Variants in INS observed in about 807,000 individuals in gnomAD.
INS encodes insulin.
A neutral mutation model predicts 10.5 loss-of-function variants in INS; 6 were observed. The observed-to-expected ratio is 0.57, with a 90% CI of 0.31 to 1.13. The LOEUF (loss-of-function observed/expected upper bound fraction) is 1.13. Among genes scored for constraint, INS ranks in the 50% most tolerant of loss-of-function variants. The probability of loss-of-function intolerance (pLI) is 0.05; values close to 1 mark genes in which losing one functional copy is unlikely to be tolerated. For synonymous variants in INS, 71 were observed against 62.7 expected, an observed-to-expected ratio of 1.13 and a Z score of -0.63; for missense variants, 109 against 138.6, an observed-to-expected ratio of 0.79 and a Z score of 1.07.
intron 1 of INS, 89 bp from the exon 2 acceptor site, chr11:2,161,077 A>C: frequency 6.9e-7 from 1 of 1,458,140 alleles, no homozygotes; most frequent in Non-Finnish European, 9.2e-7. Context: ...TCACGAGCCC[A>C]GCCACGTCCT....
intron 2 of INS, among the ~76,000 whole-genome samples, 168 bp downstream of exon 2, chr11:2,160,617 G>A (rs1477429640): frequency 1.3e-5 from 2 of 152,196 alleles, no homozygotes; most frequent in African/African-American, 2.4e-5. Flanking sequence ...GGGCCACAGG[G>A]AGCTGGTCAC....
intron 2 of INS, 78 bp downstream of exon 2, chr11:2,160,707 C>T: frequency 6.3e-7 from 1 of 1,575,666 alleles, no homozygotes; most frequent in East Asian, 2.3e-5. Flanking sequence ...CTGCCCCCTT[C>T]TGCCCATGCT....
intron 2 of INS, 41 bp downstream of exon 2, chr11:2,160,744 G>C (rs759000252): frequency 3.1e-6 from 5 of 1,603,006 alleles, no homozygotes. Context: ...AGCAGGGGGT[G>C]GCTGGGGGCG....
At position 2,160,230 on chromosome 11, in the gene INS, G is replaced by A. The variant is rs970395863; in HGVS notation, c.188-233C>T. Among the ~76,000 whole-genome samples, 11 of 152,314 alleles carry A rather than the reference G, an allele frequency of 7.2e-5. No individual in the cohort carries two copies. Among genetic ancestry groups the A allele is most frequent in the African/African-American group, 2.6e-4 (11 of 41,578 alleles). ...CCTCCTTCCCCCGCCCCGGGGCAGCGTCACAGTGGGAGCCTGAACAGGTGA... is the reference window on the plus strand; with the variant it reads ...CCTCCTTCCCCCGCCCCGGGGCAGCATCACAGTGGGAGCCTGAACAGGTGA... On this transcript the variant is annotated intron_variant, in intron 2 of 2. Coordinates refer to ENST00000381330, the MANE Select transcript of INS (RefSeq NM_000207.3).
chr11:2,160,675 C>G lies in INS; in HGVS notation c.187+110G>C. 2.2e-6 allele frequency: 3 copies of G among 1,359,972 alleles called. No individual in the cohort carries two copies. The Admixed American group carries it at 5.9e-5, about 27-fold the overall frequency. 84.2% of individuals were successfully genotyped at this position (1,359,972 alleles called of 1,614,324 possible). On this transcript the variant is annotated intron_variant, in intron 2 of 2. Transcript: ENST00000381330. ...CTTCTTTTTAAAAAAGTGCACCTGA[C>G]CCCCTGCTGGGTGGCAGCCTCCTGC...
rs145038693 is a variant in INS, at chr11:2,160,817, G to C, written c.155C>G (p.Pro52Arg). The C allele has an allele frequency of 6.2e-7, 1 of 1,612,472 alleles. No individual in the cohort carries two copies. The highest frequency in any genetic ancestry group is 1.1e-5 in the South Asian group (1 of 91,086). ...VCGERGFFYT[P>R]KTRREAEDLQ... is the part of the protein sequence containing the mutation. ...GTCCTCTGCCTCCCGGCGGGTCTTG[G>C]GTGTGTAGAAGAAGCCTCGTTCCCC... The change falls in exon 2 of 3, where the codon CCC becomes CGC. Residue 52 changes from proline (P) to arginine (R), a missense_variant. Physicochemically the swap from Pro to Arg is moderately radical, Grantham distance 103. Transcript: ENST00000381330.
rs754089310 is a variant in INS at position 2,160,770 on chromosome 11, G to A, written c.187+15C>T. On this transcript the variant is annotated intron_variant, in intron 2 of 2. Coordinates refer to ENST00000381330, the MANE Select transcript of INS (RefSeq NM_000207.3). ...GCTGGGGGCGGCCAGGGGCAGCAAT[G>A]GGCAGTTGGCTCACCCTGCAGGTCC... 1.2e-6 allele frequency: 2 copies of A among 1,610,088 alleles called. No individual in the cohort carries two copies. Among genetic ancestry groups the A allele is most frequent in the Admixed American group, 1.7e-5 (1 of 59,956 alleles).
intron 2 of INS, 141 bp downstream of exon 2, chr11:2,160,644 A>G (rs1255011629): frequency 2.9e-6 from 3 of 1,023,380 alleles, no homozygotes; most frequent in Non-Finnish European, 4.2e-6. Flanking sequence ...GACGTGACCA[A>G]GAGAACTTCT....
At chr11:2,160,539 C>T (rs551259083) in intron 2 of INS, among the ~76,000 whole-genome samples, 4 of 152,160 alleles carry the variant, frequency 2.6e-5, no homozygotes, top group South Asian at 2.1e-4. Context: ...GAGGGAGGAG[C>T]GTGCCCACCC....
At position 2,160,774 on chromosome 11, in the gene INS, A is replaced by G. The variant is rs5506; in HGVS notation, c.187+11T>C. 0.99 allele frequency: 1,591,137 copies of G among 1,610,624 alleles called. 787,793 individuals carry two copies. Among genetic ancestry groups the G allele is most frequent in the East Asian group, 1 (44,772 of 44,776 alleles). On this transcript the variant is annotated intron_variant, in intron 2 of 2. Coordinates refer to ENST00000381330, the MANE Select transcript of INS (RefSeq NM_000207.3). ...GGGGCGGCCAGGGGCAGCAATGGGCAGTTGGCTCACCCTGCAGGTCCTCTG... is the reference window on the plus strand; with the variant it reads ...GGGGCGGCCAGGGGCAGCAATGGGCGGTTGGCTCACCCTGCAGGTCCTCTG...
rs779345894 is a variant in INS, at chr11:2,159,821, C to A, written c.*31G>T. 4 of 1,606,958 alleles carry A rather than the reference C, an allele frequency of 2.5e-6. No individual in the cohort carries two copies. The highest frequency in any genetic ancestry group is 2.5e-6 in the Non-Finnish European group (3 of 1,177,380). ...ATTCCATCTCTCTCGGTGCAGGAGG[C>A]GGCGGGTGTGGGGCTGCCTGCGGGC... On this transcript the variant is annotated 3_prime_UTR_variant, in exon 3 of 3. Coordinates refer to ENST00000381330, the MANE Select transcript of INS (RefSeq NM_000207.3).
intron 1 of INS, 89 bp downstream of exon 1, chr11:2,161,079 C>A: frequency 7.0e-7 from 1 of 1,438,302 alleles, no homozygotes; most frequent in Non-Finnish European, 9.3e-7. Context: ...ACGAGCCCAG[C>A]CACGTCCTCC....
At chr11:2,160,639 G>A in intron 2 of INS, 146 bp downstream of exon 2, 1 of 985,646 alleles carries the variant, frequency 1.0e-6, no homozygotes, top group Non-Finnish European at 1.5e-6. Context: ...TTTAGGACGT[G>A]ACCAAGAGAA....
intron 1 of INS, 86 bp downstream of exon 1, chr11:2,161,082 C>A: frequency 7.0e-7 from 1 of 1,437,802 alleles, no homozygotes; most frequent in Non-Finnish European, 9.3e-7. Flanking sequence ...AGCCCAGCCA[C>A]GTCCTCCCTG....
At chr11:2,160,605 CTG>C (rs966487306) in intron 2 of INS, among the ~76,000 whole-genome samples, 178 bp downstream of exon 2, 1 of 152,212 alleles carries the variant, frequency 6.6e-6, no homozygotes, top group Non-Finnish European at 1.5e-5. Flanking sequence ...GAGATTCTGA[CTG>C]GGCCACAGGG....
In INS at chr11:2,160,819, T is replaced by C. The variant is rs773789432; in HGVS notation, c.153A>G (p.Thr51=). 73 of 1,612,246 alleles carry C rather than the reference T, an allele frequency of 4.5e-5. 1 individual carries two copies. The highest frequency in any genetic ancestry group is 5.8e-5 in the Non-Finnish European group (69 of 1,179,716). ...LVCGERGFFY[T]PKTRREAEDL... is the part of the protein sequence containing the mutation. ...CCTCTGCCTCCCGGCGGGTCTTGGG[T>C]GTGTAGAAGAAGCCTCGTTCCCCGC... The change falls in exon 2 of 3, where the codon ACA becomes ACG. Residue 51 remains threonine, a synonymous_variant. Transcript: ENST00000381330.
chr11:2,160,864 C>T lies in INS; in HGVS notation c.108G>A (p.Val36=). Residue 36 remains valine (V), a synonymous_variant, in exon 2 of 3, where the codon GTG becomes GTA. Coordinates refer to ENST00000381330, the MANE Select transcript of INS (RefSeq NM_000207.3). ...CCCCGCACACTAGGTAGAGAGCTTC[C>T]ACCAGGTGTGAGCCGCACAGGTGTT... The part of the protein sequence containing the change: ...VNQHLCGSHL[V]EALYLVCGER... 1 of 1,612,732 alleles carries T rather than the reference C, an allele frequency of 6.2e-7. No individual in the cohort carries two copies. Among genetic ancestry groups the T allele is most frequent in the Non-Finnish European group, 8.5e-7 (1 of 1,179,842 alleles).
At chr11:2,160,107 C>G in intron 2 of INS, 110 bp from the exon 3 acceptor site, 1 of 1,183,202 alleles carries the variant, frequency 8.5e-7, no homozygotes. Flanking sequence ...AGCCCTAGGT[C>G]GCACTCCCAC....
chr11:2,160,787 T>C lies in INS; in HGVS notation c.185A>G (p.Gln62Arg). 1 of 1,612,220 alleles carries C rather than the reference T, an allele frequency of 6.2e-7. No individual in the cohort carries two copies. The highest frequency in any genetic ancestry group is 8.5e-7 in the Non-Finnish European group (1 of 1,179,496). The change falls in exon 2 of 3, where the codon CAG becomes CGG. Residue 62 changes from glutamine to arginine, a missense_variant and splice_region_variant. Gln to Arg is a conservative substitution (Grantham distance 43). Transcript: ENST00000381330. Reference protein sequence around the residue: ...PKTRREAEDLQVGQVELGGGP... With the variant: ...PKTRREAEDLRVGQVELGGGP... ...GCAGCAATGGGCAGTTGGCTCACCC[T>C]GCAGGTCCTCTGCCTCCCGGCGGGT... is the stretch of plus-strand genomic sequence containing the variant.
Sources: gnomAD v4.1 joint callset for allele counts (sites outside exome capture counted in the v4.1 genomes callset) on GRCh38, gnomAD v4.1.1 for gene constraint, MANE v1.5 for transcripts, NCBI Gene and HGNC (gene_info 2026-07-23, HGNC 2026-07-21) for gene names.